The following ASB7 variants were observed in gnomAD, a reference collection of about 807,000 sequenced individuals.
ASB7 encodes ankyrin repeat and SOCS box protein 7.
ASB7 carries 4 observed loss-of-function variants against 32.5 expected under a neutral mutation model. That is an observed-to-expected ratio of 0.12 (90% CI 0.06 to 0.28). The LOEUF is 0.28. Among genes scored for constraint, ASB7 ranks in the 10% least tolerant of loss-of-function variants. The pLI, the probability that ASB7 is intolerant of heterozygous loss-of-function variation, is 1.00. For synonymous variants in ASB7, 172 were observed against 155.6 expected (o/e 1.11, Z -0.78); for missense variants, 181 against 407.1 (o/e 0.44, Z 4.78).
intron 4 of ASB7, among the ~76,000 whole-genome samples, chr15:100,622,029 A>G (rs1422750459): frequency 6.6e-6 from 1 of 152,134 alleles, no homozygotes; most frequent in Non-Finnish European, 1.5e-5. Flanking sequence ...TGATGATATG[A>G]TCTTATATTT....
intron 5 of ASB7, among the ~76,000 whole-genome samples, chr15:100,643,191 G>A (rs2039973045): frequency 1.3e-5 from 2 of 152,186 alleles, no homozygotes; most frequent in South Asian, 4.2e-4. Context: ...TGGTGGCTGT[G>A]TTGCAGTAGT....
At chr15:100,612,620 T>G in intron 4 of ASB7, 193 bp downstream of exon 4, 2 of 618,214 alleles carry the variant, frequency 3.2e-6, no homozygotes, top group Non-Finnish European at 5.6e-6. Context: ...ATCAGTTTTA[T>G]GAATGGATTC....
chr15:100,644,096 A>G (rs529773875), intron 5 of ASB7, among the ~76,000 whole-genome samples: 9 of 152,112 alleles, frequency 5.9e-5, no homozygotes, highest in Middle Eastern at 3.4e-3. Flanking sequence ...AAAAATACAA[A>G]AGTTAGCTGG....
At chr15:100,607,604 TTTATAGC>T (rs2039657419) in intron 2 of ASB7, among the ~76,000 whole-genome samples, 1 of 152,218 alleles carries the variant, frequency 6.6e-6, no homozygotes, top group African/African-American at 2.4e-5. Context: ...GTGGTTATTG[TTTATAGC>T]ACTTGGTATT....
intron 2 of ASB7, among the ~76,000 whole-genome samples, chr15:100,608,150 G>A (rs1273075160): frequency 6.6e-6 from 1 of 152,174 alleles, no homozygotes; most frequent in Non-Finnish European, 1.5e-5. Context: ...GAAAAGTGGT[G>A]GCATATTCAT....
intron 4 of ASB7, among the ~76,000 whole-genome samples, chr15:100,616,706 A>C (rs758977749): frequency 1.3e-5 from 2 of 152,208 alleles, no homozygotes; most frequent in African/African-American, 4.8e-5. Context: ...TTTACCTGAT[A>C]CCCTTTCCCT....
intron 4 of ASB7, among the ~76,000 whole-genome samples, chr15:100,617,016 C>G (rs1459923769): frequency 1.3e-5 from 2 of 152,236 alleles, no homozygotes; most frequent in Non-Finnish European, 2.9e-5. Context: ...TGCCAGAAAT[C>G]TAGAAACCAT....
At chr15:100,619,875 C>G (rs1033130969) in intron 4 of ASB7, among the ~76,000 whole-genome samples, 1 of 152,152 alleles carries the variant, frequency 6.6e-6, no homozygotes, top group African/African-American at 2.4e-5. Flanking sequence ...GAGTCTGAGT[C>G]GAGTAAATGA....
chr15:100,623,151 C>G (rs954638655), intron 4 of ASB7, among the ~76,000 whole-genome samples: 1 of 152,208 alleles, frequency 6.6e-6, no homozygotes, highest in Admixed American at 6.5e-5. Context: ...GTAATCCCAG[C>G]ACTTTGGGAG....
intron 4 of ASB7, among the ~76,000 whole-genome samples, chr15:100,626,766 C>T (rs541002812): frequency 1.3e-5 from 2 of 152,088 alleles, no homozygotes; most frequent in Non-Finnish European, 2.9e-5. Context: ...GTATACAGTA[C>T]TATCCAGCAA....
At chr15:100,612,474 T>A in intron 4 of ASB7, 47 bp downstream of exon 4, 1 of 1,506,976 alleles carries the variant, frequency 6.6e-7, no homozygotes. Context: ...GAAACATAAA[T>A]GATGTTTAGT....
At chr15:100,610,155 T>C (rs936717271) in intron 3 of ASB7, among the ~76,000 whole-genome samples, 2 of 152,206 alleles carry the variant, frequency 1.3e-5, no homozygotes, top group African/African-American at 4.8e-5. Context: ...TTTTAAAATT[T>C]CTAAGAAGGG....
intron 5 of ASB7, among the ~76,000 whole-genome samples, chr15:100,633,243 T>A (rs933425051): frequency 9.2e-5 from 14 of 151,414 alleles, no homozygotes; most frequent in Non-Finnish European, 2.9e-5. Flanking sequence ...ATGAATAAAT[T>A]AAAGAGAGAA....
intron 2 of ASB7, among the ~76,000 whole-genome samples, chr15:100,604,348 A>G (rs1023787521): frequency 6.6e-6 from 1 of 152,222 alleles, no homozygotes; most frequent in African/African-American, 2.4e-5. Context: ...TTTAATTCCA[A>G]AATTAGCCAA....
chr15:100,610,322 G>A lies in ASB7; in HGVS notation c.-52+494G>A, dbSNP rs556101610. ...ATCCTGGCTAACACGGTGAAACCCCGTCTCTACTAAAAATACAAAAAAATT... is the reference window on the plus strand; with the variant it reads ...ATCCTGGCTAACACGGTGAAACCCCATCTCTACTAAAAATACAAAAAAATT... On this transcript the variant is annotated intron_variant, in intron 3 of 5. Transcript: ENST00000332783. Among the ~76,000 whole-genome samples, 352 of 151,854 alleles carry A rather than the reference G, an allele frequency of 2.3e-3. 3 individuals carry two copies. The highest frequency in any genetic ancestry group is 7.1e-3 in the African/African-American group (296 of 41,408).
chr15:100,642,920 C>G (rs1334955139), intron 5 of ASB7, among the ~76,000 whole-genome samples: 1 of 152,190 alleles, frequency 6.6e-6, no homozygotes. Context: ...GCCTGTAGTC[C>G]CAGCTGCCTG....
At chr15:100,647,216 G>C (rs530351658) in intron 5 of ASB7, among the ~76,000 whole-genome samples, 10 of 152,154 alleles carry the variant, frequency 6.6e-5, no homozygotes, top group Non-Finnish European at 1.5e-5. Flanking sequence ...ATTTTTTAAA[G>C]TGTAAAGGAG....
At position 100,648,557 on chromosome 15, in the gene ASB7, T is replaced by C. The variant is rs943098177; in HGVS notation, c.*95T>C. ...AGTATATCCTATGCAATTTCTGATT[T>C]GCTGTGAAATCAGAAAGCAGGTATA... On this transcript the variant is annotated 3_prime_UTR_variant, in exon 6 of 6. Transcript: ENST00000332783. 8.3e-6 allele frequency: 9 copies of C among 1,090,720 alleles called. No individual in the cohort carries two copies. Among genetic ancestry groups the C allele is most frequent in the Middle Eastern group, 2.7e-4 (1 of 3,732 alleles). The allele number at this position is 1,090,720 out of a possible 1,614,324, so 67.6% of individuals were successfully genotyped here.
chr15:100,634,423 G>C (rs1457311949), intron 5 of ASB7, among the ~76,000 whole-genome samples: 1 of 152,224 alleles, frequency 6.6e-6, no homozygotes, highest in Non-Finnish European at 1.5e-5. Context: ...CCCCACCTCA[G>C]AATGCTTAAG....
Sources: gnomAD v4.1 joint callset for allele counts (sites outside exome capture counted in the v4.1 genomes callset) on GRCh38, gnomAD v4.1.1 for gene constraint, MANE v1.5 for transcripts, NCBI Gene and HGNC (gene_info 2026-07-23, HGNC 2026-07-21) for gene names.